Variants in ENDOD1 observed in about 807,000 individuals in gnomAD.
The protein encoded by ENDOD1 is endonuclease domain-containing 1 protein.
Under a neutral mutation model 6.5 loss-of-function variants are expected in ENDOD1, and 9 were observed. That is an observed-to-expected ratio of 1.39 (90% CI 0.84 to 2.43). The LOEUF (loss-of-function observed/expected upper bound fraction) is 2.43. Ranked by LOEUF, ENDOD1 falls within the 30% of genes most tolerant of loss-of-function variation. ENDOD1 has a pLI of 0.00. For missense variants in ENDOD1, 648 were observed against 635.5 expected, an observed-to-expected ratio of 1.02 and a Z score of -0.21; for synonymous variants, 255 against 255.2, an observed-to-expected ratio of 1.00 and a Z score of 0.01.
In ENDOD1 at chr11:95,129,298, G is replaced by T. The variant is rs920476862; in HGVS notation, c.1222G>T (p.Val408Phe). ...PWKVLKVVAK[V>F]IRALLRILCC... ...GAAGGTGCTCAAGGTCGTGGCCAAA[G>T]TCATCAGGGCTCTCCTCCGGATCCT... Residue 408 changes from valine to phenylalanine, a missense_variant, in exon 2 of 2, where the codon GTC becomes TTC. By Grantham distance (50) the Val-to-Phe change is conservative. Coordinates refer to ENST00000278505, the MANE Select transcript of ENDOD1 (RefSeq NM_015036.3). The T allele has an allele frequency of 1.9e-6, 3 of 1,614,210 alleles. No individual in the cohort carries two copies. Among genetic ancestry groups the T allele is most frequent in the Middle Eastern group, 1.6e-4 (1 of 6,062 alleles).
chr11:95,096,227 C>CTTTTTTTTTTTTTT lies in ENDOD1; in HGVS notation c.300+6012_300+6025dup, dbSNP rs10660230. On this transcript the variant is annotated intron_variant, in intron 1 of 1. Transcript: ENST00000278505. Reference sequence around the variant, plus strand: ...CTAGAATTACTGTTAGTCAAGAAAGCTTTTTTTTTTTTTTTTTTTTTTTTT... The same window carrying CTTTTTTTTTTTTTT: ...CTAGAATTACTGTTAGTCAAGAAAGCTTTTTTTTTTTTTTTTTTTTTTTTTTTTTTTTTTTTTTT... Among the ~76,000 whole-genome samples the CTTTTTTTTTTTTTT allele has an allele frequency of 2.4e-3, 118 of 49,966 alleles. 29 individuals are homozygous for CTTTTTTTTTTTTTT. The highest frequency in any genetic ancestry group is 4.1e-3 in the East Asian group (6 of 1,476). The allele number at this position is 49,966 out of a possible 152,430, so 32.8% of individuals were successfully genotyped here. A position where few individuals can be genotyped will look rare whatever the true frequency, so the allele number is the denominator to read the frequency against.
intron 1 of ENDOD1, among the ~76,000 whole-genome samples, chr11:95,108,494 AACACACACACACAC>A (rs34439162): frequency 6.8e-6 from 1 of 146,406 alleles, no homozygotes; most frequent in Admixed American, 6.8e-5. Context: ...CTCTTTTCTA[AACACACACACACAC>A]ACACACACAC....
Position 95,089,904 on chromosome 11 carries a change from C to G in ENDOD1, c.-24C>G. ...CGCCGCGGCAGCCCAGCCGCTCGGC[C>G]CCGCCGCGCTCGCAGAGGCCGCCAT... On this transcript the variant is annotated 5_prime_UTR_variant, in exon 1 of 2. Transcript: ENST00000278505. 1 of 1,351,646 alleles carries G rather than the reference C, an allele frequency of 7.4e-7. No homozygotes were observed. Among genetic ancestry groups the G allele is most frequent in the East Asian group, 3.1e-5 (1 of 32,146 alleles). The allele number at this position is 1,351,646 out of a possible 1,614,324, so 83.7% of individuals were successfully genotyped here.
At chr11:95,104,719 T>G (rs1331100331) in intron 1 of ENDOD1, among the ~76,000 whole-genome samples, 9 of 152,356 alleles carry the variant, frequency 5.9e-5, no homozygotes, top group African/African-American at 2.2e-4. Flanking sequence ...GGAAAAGAGA[T>G]ACACACTGAG....
At chr11:95,100,246 A>C (rs1299607067) in intron 1 of ENDOD1, among the ~76,000 whole-genome samples, 2 of 152,136 alleles carry the variant, frequency 1.3e-5, no homozygotes, top group Non-Finnish European at 2.9e-5. Context: ...AGTCTCTGCA[A>C]GACAGCTTCC....
rs1858908951 is a variant in ENDOD1 at position 95,089,939 on chromosome 11, G to A, written c.12G>A (p.Ala4=). 6.9e-7 allele frequency: 1 copy of A among 1,440,588 alleles called. No homozygotes were observed. Among genetic ancestry groups the A allele is most frequent in the Admixed American group, 2.6e-5 (1 of 38,874 alleles). 89.2% of individuals were successfully genotyped at this position (1,440,588 alleles called of 1,614,324 possible). A position where few individuals can be genotyped will look rare whatever the true frequency, so the allele number is the denominator to read the frequency against. The part of the protein sequence containing the change: MGT[A]RWLALGSLFA... The stretch of plus-strand genomic sequence containing the variant: ...TCGCAGAGGCCGCCATGGGCACCGC[G>A]CGCTGGCTCGCGCTGGGCAGCCTCT... The change falls in exon 1 of 2, where the codon GCG becomes GCA. Residue 4 remains alanine (A), a synonymous_variant. Coordinates refer to ENST00000278505, the MANE Select transcript of ENDOD1 (RefSeq NM_015036.3).
chr11:95,128,396 A>C lies in ENDOD1; in HGVS notation c.320A>C (p.Asn107Thr), dbSNP rs747329560. The stretch of plus-strand genomic sequence containing the variant: ...TTGCAGATCGATGACCCCAACAGCA[A>C]CCTTGAGGAGGCGATTAATGAGGCA... ...VEPQIDDPNSNLEEAINEAEA... is the reference protein window; with the variant it reads ...VEPQIDDPNSTLEEAINEAEA... Residue 107 changes from asparagine (N) to threonine (T), a missense_variant, in exon 2 of 2, where the codon AAC becomes ACC. Coordinates refer to ENST00000278505, the MANE Select transcript of ENDOD1 (RefSeq NM_015036.3). The C allele has an allele frequency of 1.2e-5, 20 of 1,613,680 alleles. No homozygotes were observed. Among genetic ancestry groups the C allele is most frequent in the Non-Finnish European group, 1.7e-5 (20 of 1,179,762 alleles).
chr11:95,093,366 A>G (rs1591007656), intron 1 of ENDOD1, among the ~76,000 whole-genome samples: 2 of 152,232 alleles, frequency 1.3e-5, no homozygotes, highest in South Asian at 4.1e-4. Context: ...TTCCCTTTCT[A>G]CACAGACCCC....
At chr11:95,101,036 C>T (rs1308237340) in intron 1 of ENDOD1, among the ~76,000 whole-genome samples, 1 of 152,056 alleles carries the variant, frequency 6.6e-6, no homozygotes, top group Non-Finnish European at 1.5e-5. Flanking sequence ...TCCCTGAAGG[C>T]AGGGGCCAGG....
At chr11:95,097,889 G>T (rs1398006725) in intron 1 of ENDOD1, among the ~76,000 whole-genome samples, 1 of 152,192 alleles carries the variant, frequency 6.6e-6, no homozygotes, top group Non-Finnish European at 1.5e-5. Flanking sequence ...GGGCTGTTTG[G>T]GGGCCATATC....
chr11:95,118,159 G>A (rs1555112654), intron 1 of ENDOD1, among the ~76,000 whole-genome samples: 1 of 151,886 alleles, frequency 6.6e-6, no homozygotes, highest in African/African-American at 2.4e-5. Context: ...GTTTTTGACG[G>A]GTTCATCATT....
chr11:95,123,225 T>A, intron 1 of ENDOD1, among the ~76,000 whole-genome samples: 1 of 149,710 alleles, frequency 6.7e-6, no homozygotes. Flanking sequence ...GGTCCTAGGA[T>A]TTAATATATT....
At chr11:95,112,150 T>A (rs1045619586) in intron 1 of ENDOD1, among the ~76,000 whole-genome samples, 1 of 152,216 alleles carries the variant, frequency 6.6e-6, no homozygotes, top group Non-Finnish European at 1.5e-5. Flanking sequence ...CTGTTGATCA[T>A]CCCCTAGCCA....
chr11:95,119,551 T>C (rs560902021), intron 1 of ENDOD1, among the ~76,000 whole-genome samples: 175 of 152,306 alleles, frequency 1.1e-3, no homozygotes, highest in African/African-American at 4.2e-3. Context: ...CACCTGGAGC[T>C]GAGGATGGAG....
chr11:95,117,355 G>C (rs1460830992), intron 1 of ENDOD1, among the ~76,000 whole-genome samples: 1 of 152,234 alleles, frequency 6.6e-6, no homozygotes, highest in African/African-American at 2.4e-5. Context: ...GTTGCCACGA[G>C]CTGAGATTGA....
intron 1 of ENDOD1, among the ~76,000 whole-genome samples, chr11:95,117,648 T>G (rs781897299): frequency 1.2e-4 from 18 of 152,200 alleles, no homozygotes; most frequent in Non-Finnish European, 2.4e-4. Flanking sequence ...AGTCTATGTG[T>G]GTCTTTATGG....
intron 1 of ENDOD1, among the ~76,000 whole-genome samples, chr11:95,108,534 C>CACACACACACAAAAAA (rs1176686943): frequency 2.1e-5 from 3 of 141,756 alleles, no homozygotes; most frequent in African/African-American, 7.6e-5. Flanking sequence ...CACAGACACC[C>CACACACACACAAAAAA]AAAAAAAGAA....
chr11:95,094,371 A>C (rs919104061), intron 1 of ENDOD1, among the ~76,000 whole-genome samples: 9 of 152,130 alleles, frequency 5.9e-5, no homozygotes, highest in Admixed American at 5.2e-4. Flanking sequence ...CAATGGATCC[A>C]CTGCGCTAAT....
chr11:95,110,332 T>C (rs1202668114), intron 1 of ENDOD1, among the ~76,000 whole-genome samples: 1 of 152,174 alleles, frequency 6.6e-6, no homozygotes, highest in Non-Finnish European at 1.5e-5. Context: ...GCTCTGCCCA[T>C]CTTCTTCTTC....
Sources: allele counts gnomAD v4.1 joint callset (sites outside exome capture counted in the v4.1 genomes callset), GRCh38; gene constraint gnomAD v4.1.1; transcripts MANE v1.5; gene names NCBI Gene and HGNC (gene_info 2026-07-23, HGNC 2026-07-21).